The following FOXN3 variants were observed in gnomAD, a reference collection of about 807,000 sequenced individuals.
FOXN3 encodes the protein forkhead box N3, also known as forkhead box protein N3.
Under a neutral mutation model 38.4 loss-of-function variants are expected in FOXN3, and 7 were observed. The ratio of observed to expected loss-of-function variants is 0.18; its 90% confidence interval spans 0.10 to 0.34. FOXN3 has a LOEUF of 0.34. FOXN3 is among the 10% of genes least tolerant of loss of function. The pLI is 1.00. For missense variants in FOXN3, 456 were observed against 613.4 expected (o/e 0.74, Z 2.71); for synonymous variants, 230 against 242.2 (o/e 0.95, Z 0.47).
At chr14:89,458,571 C>A (rs187099266) in intron 1 of FOXN3, among the ~76,000 whole-genome samples, 4 of 152,306 alleles carry the variant, frequency 2.6e-5, no homozygotes, top group African/African-American at 4.8e-5. Flanking sequence ...CAGGGAGATA[C>A]AATGTGAACT....
intron 4 of FOXN3, among the ~76,000 whole-genome samples, chr14:89,277,543 T>C (rs8007983): frequency 0.15 from 22,268 of 152,126 alleles, 1,841 homozygotes; most frequent in African/African-American, 0.23. Context: ...CTTACCCCAT[T>C]ATCCTCGAAA....
intron 4 of FOXN3, among the ~76,000 whole-genome samples, chr14:89,258,089 G>A (rs1026021991): frequency 1.3e-5 from 2 of 152,136 alleles, no homozygotes; most frequent in Non-Finnish European, 2.9e-5. Context: ...ACACGCACTA[G>A]AGCCATGACA....
chr14:89,396,587 C>T (rs1481860434), intron 2 of FOXN3, among the ~76,000 whole-genome samples: 1 of 152,220 alleles, frequency 6.6e-6, no homozygotes, highest in Admixed American at 6.5e-5. Flanking sequence ...GTAATCCCAG[C>T]ACTTTGGGAG....
intron 4 of FOXN3, among the ~76,000 whole-genome samples, chr14:89,214,879 C>T (rs1421149216): frequency 6.6e-6 from 1 of 152,234 alleles, no homozygotes; most frequent in East Asian, 1.9e-4. Flanking sequence ...TTCTTATCAT[C>T]AGGCCAGATG....
At position 89,351,018 on chromosome 14, in the gene FOXN3, T is replaced by G. The variant is rs148875205; in HGVS notation, c.544-210A>C. The stretch of plus-strand genomic sequence containing the variant: ...ATGTTTGATAGGCAAAATGAACATA[T>G]TATTACCAGGTTATGGTGATACAAC... On this transcript the variant is annotated intron_variant, in intron 2 of 5. Coordinates refer to ENST00000557258, the MANE Select transcript of FOXN3 (RefSeq NM_005197.4). 3.3e-4 allele frequency: 123 copies of G among 370,842 alleles called. 3 individuals carry two copies. The East Asian group carries it at 4.0e-3, about 12-fold the overall frequency. The allele number at this position is 370,842 out of a possible 1,614,324, so 23.0% of individuals were successfully genotyped here. A position where few individuals can be genotyped will look rare whatever the true frequency, so the allele number is the denominator to read the frequency against.
At chr14:89,363,965 TATATATATATATATATATATATA>T (rs1274284888) in intron 2 of FOXN3, among the ~76,000 whole-genome samples, 1 of 39,598 alleles carries the variant, frequency 2.5e-5, no homozygotes, top group African/African-American at 9.6e-5. Flanking sequence ...TATATATATA[TATATATATATATATATATATATA>T]ATATATATAT....
rs375121956 is a variant in FOXN3 at position 89,505,659 on chromosome 14, C to G, written c.-14-93169G>C. Among the ~76,000 whole-genome samples, 888 of 151,196 alleles carry G rather than the reference C, an allele frequency of 5.9e-3. 61 individuals carry two copies. In the East Asian group the frequency reaches 0.14, roughly 24 times the overall value. ...CCTCCCAGCTGCCTGCCTTGGCCCC[C>G]CAAAGTGCCGAGATTGCAGCCTCTG... On this transcript the variant is annotated intron_variant, in intron 1 of 6. Transcript: ENST00000345097.
chr14:89,524,558 TCA>T (rs1894398715), intron 1 of FOXN3, among the ~76,000 whole-genome samples: 1 of 151,470 alleles, frequency 6.6e-6, no homozygotes, highest in Non-Finnish European at 1.5e-5. Context: ...AATAAAACTC[TCA>T]TCAGTATTAT....
Position 89,432,592 on chromosome 14 carries a change from G to A in FOXN3, c.-14-20102C>T, listed in dbSNP as rs1188334325. 2.6e-5 allele frequency among the ~76,000 whole-genome samples: 4 copies of A among 152,156 alleles called. No individual in the cohort carries two copies. The East Asian group carries it at 7.7e-4, about 29-fold the overall frequency. On this transcript the variant is annotated intron_variant, in intron 1 of 6. Transcript: ENST00000345097. ...CTTCAAGAAGCTCACTCATTTGCCA[G>A]AAGTGAAATGCAAACTTAAAGATCC...
chr14:89,173,452 T>A (rs1408619075), intron 5 of FOXN3, among the ~76,000 whole-genome samples: 2 of 152,220 alleles, frequency 1.3e-5, no homozygotes, highest in African/African-American at 2.4e-5. Context: ...ACAATTTCAC[T>A]CCTAGACATC....
chr14:89,425,921 G>A (rs1217466247), intron 1 of FOXN3, among the ~76,000 whole-genome samples: 6 of 152,050 alleles, frequency 3.9e-5, no homozygotes, highest in East Asian at 3.9e-4. Flanking sequence ...CATTCACAAC[G>A]AACTGTGCCA....
intron 5 of FOXN3, among the ~76,000 whole-genome samples, chr14:89,172,314 G>C (rs118135194): frequency 1.3e-5 from 2 of 152,078 alleles, no homozygotes; most frequent in African/African-American, 4.8e-5. Flanking sequence ...TCAAACTCCC[G>C]GGCTTTAAGC....
chr14:89,317,489 A>C (rs1356008531), intron 3 of FOXN3, among the ~76,000 whole-genome samples: 1 of 152,164 alleles, frequency 6.6e-6, no homozygotes, highest in African/African-American at 2.4e-5. Context: ...GTACTTCTGA[A>C]AGTGCCTGTT....
chr14:89,441,960 C>T (rs10141151), intron 1 of FOXN3, among the ~76,000 whole-genome samples: 5,115 of 127,966 alleles, frequency 0.04, 140 homozygotes, highest in African/African-American at 0.09. Context: ...GGAGTTTCCT[C>T]TTGTTGCCCG....
chr14:89,343,943 G>C (rs1888694288), intron 3 of FOXN3, among the ~76,000 whole-genome samples: 1 of 152,074 alleles, frequency 6.6e-6, no homozygotes, highest in African/African-American at 2.4e-5. Flanking sequence ...GTATTTTTTG[G>C]TAGAGATGGG....
chr14:89,207,589 G>A (rs939923367), intron 4 of FOXN3, among the ~76,000 whole-genome samples: 15 of 152,222 alleles, frequency 9.9e-5, no homozygotes, highest in African/African-American at 3.4e-4. Flanking sequence ...GACAGGGGCA[G>A]ATGAAATAAA....
intron 3 of FOXN3, among the ~76,000 whole-genome samples, chr14:89,327,562 A>G (rs762941727): frequency 2.6e-5 from 4 of 152,196 alleles, no homozygotes; most frequent in Admixed American, 1.3e-4. Context: ...CAAAAGCCCT[A>G]TGAAAGTTGA....
At chr14:89,232,314 A>G (rs562697785) in intron 4 of FOXN3, among the ~76,000 whole-genome samples, 59 of 152,316 alleles carry the variant, frequency 3.9e-4, no homozygotes, top group African/African-American at 1.3e-3. Context: ...TCGCCTATAC[A>G]TAGTTCATTC....
intron 1 of FOXN3, among the ~76,000 whole-genome samples, chr14:89,540,940 T>C (rs577645610): frequency 1.3e-5 from 2 of 152,116 alleles, no homozygotes; most frequent in East Asian, 1.9e-4. Flanking sequence ...TAATAAGTGT[T>C]TGCAACATGA....
Sources: allele counts gnomAD v4.1 joint callset (sites outside exome capture counted in the v4.1 genomes callset), GRCh38; gene constraint gnomAD v4.1.1; transcripts MANE v1.5; gene names NCBI Gene and HGNC (gene_info 2026-07-23, HGNC 2026-07-21).